Variants in MTA1 observed in about 807,000 individuals in gnomAD.
MTA1 encodes the protein metastasis associated 1.
A neutral mutation model predicts 97.0 loss-of-function variants in MTA1; 15 were observed. The observed-to-expected ratio is 0.15, with a 90% CI of 0.10 to 0.24. MTA1 has a LOEUF of 0.24. Ranked by LOEUF, MTA1 falls within the 10% of genes least tolerant of loss-of-function variation. The probability of loss-of-function intolerance (pLI) is 1.00; values close to 1 mark genes in which losing one functional copy is unlikely to be tolerated. For missense variants in MTA1, 709 were observed against 1,015.1 expected (o/e 0.70, Z 4.10); for synonymous variants, 435 against 417.5 (o/e 1.04, Z -0.51).
Position 105,449,340 on chromosome 14 carries a change from C to T in MTA1, c.191-19C>T, listed in dbSNP as rs782682243. ...CCTGTGCTGACCGTGCTGCCGGGTGCTGTCTGTCTGTTATATAGCCCTGTC... is the reference window on the plus strand; with the variant it reads ...CCTGTGCTGACCGTGCTGCCGGGTGTTGTCTGTCTGTTATATAGCCCTGTC... On this transcript the variant is annotated intron_variant, in intron 3 of 20. Transcript: ENST00000331320. 1.2e-6 allele frequency: 2 copies of T among 1,610,702 alleles called. No homozygotes were observed. The highest frequency in any genetic ancestry group is 1.7e-6 in the Non-Finnish European group (2 of 1,178,708).
rs2141698526 is a variant in MTA1, at chr14:105,466,408, CTG to C, written c.1625-14_1625-13del. On this transcript the variant is annotated splice_polypyrimidine_tract_variant and intron_variant, in intron 16 of 20. Transcript: ENST00000331320. ...GCTGGGCAGAGGCAACTCGTTCTGCCTGTGTCATTCCCGGCAGAGACCCACCC... is the reference window on the plus strand; with the variant it reads ...GCTGGGCAGAGGCAACTCGTTCTGCCTGTCATTCCCGGCAGAGACCCACCC... 2 of 1,595,272 alleles carry C rather than the reference CTG, an allele frequency of 1.3e-6. No homozygotes were observed. Among genetic ancestry groups the C allele is most frequent in the Non-Finnish European group, 1.7e-6 (2 of 1,169,294 alleles).
chr14:105,445,374 G>A (rs782495999), intron 2 of MTA1, 44 bp from the exon 3 acceptor site: 42 of 1,584,698 alleles, frequency 2.7e-5, no homozygotes, highest in African/African-American at 6.7e-5. Context: ...TGTGCAGCCC[G>A]GGTTTGGTCG....
chr14:105,456,492 C>T (rs1237917493), intron 7 of MTA1, among the ~76,000 whole-genome samples: 2 of 152,230 alleles, frequency 1.3e-5, no homozygotes, highest in African/African-American at 2.4e-5. Context: ...GCTGCCCTGC[C>T]GTTCCTTGGC....
In MTA1 at chr14:105,463,057, C is replaced by G; in HGVS notation, c.943-127C>G. On this transcript the variant is annotated intron_variant, in intron 10 of 20. Coordinates refer to ENST00000331320, the MANE Select transcript of MTA1 (RefSeq NM_004689.4). This position sits in a 1 kb window ranked among gnomAD's most constrained non-coding sequence, Gnocchi z 5.9. ...CAGCAGGGGCCTGGCCTCCGTGCACCAAGCACACCTCGCCCTCTGGCCTCC... is the reference window on the plus strand; with the variant it reads ...CAGCAGGGGCCTGGCCTCCGTGCACGAAGCACACCTCGCCCTCTGGCCTCC... 1.1e-6 allele frequency: 1 copy of G among 915,774 alleles called. No individual in the cohort carries two copies. The highest frequency in any genetic ancestry group is 2.4e-5 in the East Asian group (1 of 41,112). 56.7% of individuals were successfully genotyped at this position (915,774 alleles called of 1,614,324 possible). A position where few individuals can be genotyped will look rare whatever the true frequency, so the allele number is the denominator to read the frequency against.
In MTA1 at chr14:105,419,870, G is replaced by C. The variant is rs1555420361; in HGVS notation, c.-166G>C. ...CGCCGCGGCCCTCCCGTCCCTGCGC[G>C]GCCTCGGCGGCCTCGGCGGCGGCGG... On this transcript the variant is annotated 5_prime_UTR_variant, in exon 1 of 21. Transcript: ENST00000331320. The C allele has an allele frequency of 6.0e-6, 1 of 167,750 alleles. No individual in the cohort carries two copies. The highest frequency in any genetic ancestry group is 1.2e-5 in the Non-Finnish European group (1 of 86,124). The allele number at this position is 167,750 out of a possible 1,614,324, so 10.4% of individuals were successfully genotyped here.
intron 3 of MTA1, among the ~76,000 whole-genome samples, chr14:105,447,183 C>T (rs4983628): frequency 0.97 from 147,301 of 152,138 alleles, 71,474 homozygotes; most frequent in Non-Finnish European, 1. Context: ...TGGTGGGGAG[C>T]GGCCTGGCTC....
At chr14:105,421,009 G>A (rs2081815051) in intron 1 of MTA1, among the ~76,000 whole-genome samples, 1 of 152,208 alleles carries the variant, frequency 6.6e-6, no homozygotes, top group African/African-American at 2.4e-5. Flanking sequence ...TGATCCCCAT[G>A]CCCCTGACCC....
chr14:105,469,134 G>A (rs1555433654), intron 18 of MTA1: 7 of 552,136 alleles, frequency 1.3e-5, no homozygotes, highest in Non-Finnish European at 2.1e-5. Context: ...ACAGCCTTGC[G>A]AGGCTTTGCT....
rs1261472589 is a variant in MTA1 at position 105,445,425 on chromosome 14, A to C, written c.104A>C (p.Asn35Thr). 2 of 1,613,730 alleles carry C rather than the reference A, an allele frequency of 1.2e-6. No individual in the cohort carries two copies. Among genetic ancestry groups the C allele is most frequent in the Non-Finnish European group, 1.7e-6 (2 of 1,179,898 alleles). ...RRIEELNKTA[N>T]GNVEAKVVCF... The stretch of plus-strand genomic sequence containing the variant: ...CCTGCCTTGCTGTTACAGACGGCCA[A>C]TGGGAACGTGGAGGCCAAAGTGGTG... The change falls in exon 3 of 21, where the codon AAT (asparagine) becomes ACT (threonine). Residue 35 changes from asparagine (N) to threonine (T), a missense_variant. Around this residue, in one of 2 missense-constraint regions of MTA1, gnomAD observed 321 missense variants for 593.5 expected, o/e 0.54. Coordinates refer to ENST00000331320, the MANE Select transcript of MTA1 (RefSeq NM_004689.4).
At chr14:105,425,707 C>T (rs1456708244) in intron 1 of MTA1, among the ~76,000 whole-genome samples, 5 of 150,266 alleles carry the variant, frequency 3.3e-5, no homozygotes, top group African/African-American at 4.9e-5. Flanking sequence ...ATTCCTGTCC[C>T]GGTGGGCTCA....
chr14:105,444,436 C>T (rs587679316), intron 2 of MTA1, among the ~76,000 whole-genome samples: 1 of 152,036 alleles, frequency 6.6e-6, no homozygotes, highest in South Asian at 2.1e-4. Flanking sequence ...GCTGCAGTGA[C>T]CTGACATCAC....
At chr14:105,458,899 C>T (rs1567036174) in intron 8 of MTA1, among the ~76,000 whole-genome samples, 4 of 152,228 alleles carry the variant, frequency 2.6e-5, no homozygotes, top group African/African-American at 7.2e-5. Flanking sequence ...GGCCCTACTC[C>T]GCAGCCTGGG....
intron 10 of MTA1, among the ~76,000 whole-genome samples, chr14:105,461,577 C>G (rs1265689595): frequency 2.0e-5 from 3 of 152,238 alleles, no homozygotes; most frequent in Non-Finnish European, 4.4e-5. Flanking sequence ...CAGGGAGGAG[C>G]CCCAAAGGGG....
At chr14:105,439,507 A>T (rs1231796959) in intron 2 of MTA1, among the ~76,000 whole-genome samples, 16 of 152,100 alleles carry the variant, frequency 1.1e-4, no homozygotes, top group Non-Finnish European at 2.4e-4. Flanking sequence ...GTAGATGGCC[A>T]TGGAGGTGTA....
intron 13 of MTA1, 54 bp from the exon 14 acceptor site, chr14:105,464,362 G>A: frequency 6.2e-7 from 1 of 1,601,416 alleles, no homozygotes; most frequent in Non-Finnish European, 8.5e-7. Flanking sequence ...GGAATACTCT[G>A]ACATCGCTGG....
chr14:105,468,995 G>A (rs910748558), intron 18 of MTA1: 2 of 349,010 alleles, frequency 5.7e-6, no homozygotes, highest in Non-Finnish European at 5.7e-6. Context: ...AGGGCAGTGG[G>A]TGGTGACCTG....
Position 105,464,171 on chromosome 14 carries a change from G to C in MTA1, c.1192+24G>C, listed in dbSNP as rs782578155. The C allele has an allele frequency of 1.0e-5, 16 of 1,595,874 alleles. No individual in the cohort carries two copies. The African/African-American group carries it at 2.2e-4, about 21-fold the overall frequency. On this transcript the variant is annotated intron_variant, in intron 13 of 20. Coordinates refer to ENST00000331320, the MANE Select transcript of MTA1 (RefSeq NM_004689.4). Reference sequence around the variant, plus strand: ...CAGTAAGTGCCCTGGATGGCCGGGGGCACACCGCACGCCCGCCTGTGGGCC... The same window carrying C: ...CAGTAAGTGCCCTGGATGGCCGGGGCCACACCGCACGCCCGCCTGTGGGCC...
At position 105,422,272 on chromosome 14, in the gene MTA1, T is replaced by C. The variant is rs1275235826; in HGVS notation, c.28+2209T>C. 1.3e-5 allele frequency among the ~76,000 whole-genome samples: 2 copies of C among 152,086 alleles called. No individual in the cohort carries two copies. Among genetic ancestry groups the C allele is most frequent in the Non-Finnish European group, 2.9e-5 (2 of 68,002 alleles). On this transcript the variant is annotated intron_variant, in intron 1 of 20. Transcript: ENST00000331320. The surrounding 1 kb of genome is among the most constrained non-coding windows in gnomAD (Gnocchi z 4.3). ...TTCCGGCAGGACCCCGGCAGAGCCC[T>C]GTGGTCGCAGTGGGCTGGGCATTGC...
intron 2 of MTA1, among the ~76,000 whole-genome samples, chr14:105,441,439 G>A (rs968482497): frequency 2.0e-5 from 3 of 151,994 alleles, no homozygotes; most frequent in Admixed American, 6.5e-5. Flanking sequence ...ATGAAAAGCC[G>A]CAAGGCGTAT....
Sources: allele counts gnomAD v4.1 joint callset (sites outside exome capture counted in the v4.1 genomes callset), GRCh38; gene constraint gnomAD v4.1.1; regional missense constraint gnomAD v4.1.1; non-coding constraint Gnocchi (gnomAD v3.1); transcripts MANE v1.5; gene names NCBI Gene and HGNC (gene_info 2026-07-23, HGNC 2026-07-21).